FBXW7: variants seen among roughly 807,000 people sequenced by gnomAD.
FBXW7 encodes F-box and WD repeat domain containing 7.
FBXW7 carries 11 observed loss-of-function variants against 86.3 expected under a neutral mutation model. That is an observed-to-expected ratio of 0.13 (90% CI 0.08 to 0.21). The LOEUF (loss-of-function observed/expected upper bound fraction) is 0.21. Ranked by LOEUF, FBXW7 falls within the 10% of genes least tolerant of loss-of-function variation. The pLI is 1.00. For synonymous variants in FBXW7, 313 were observed against 297.9 expected, an observed-to-expected ratio of 1.05 and a Z score of -0.52; for missense variants, 488 against 847.4, an observed-to-expected ratio of 0.58 and a Z score of 5.27.
intron 4 of FBXW7, among the ~76,000 whole-genome samples, chr4:152,366,311 T>G (rs1401916130): frequency 6.6e-6 from 1 of 152,174 alleles, no homozygotes; most frequent in Non-Finnish European, 1.5e-5. Context: ...CTTCACAGTT[T>G]AGGACTTCTG....
rs1226934401 is a variant in FBXW7 at position 152,322,540 on chromosome 4, T to G, written c.*341A>C. 2 of 295,746 alleles carry G rather than the reference T, an allele frequency of 6.8e-6. No individual in the cohort carries two copies. The highest frequency in any genetic ancestry group is 9.2e-5 in the South Asian group (1 of 10,896). 18.3% of individuals were successfully genotyped at this position (295,746 alleles called of 1,614,324 possible). ...GGCTAGCAGAATCTGTAATGATGTT[T>G]CAGCATTAACACTGCCCAATGACCA... On this transcript the variant is annotated 3_prime_UTR_variant, in exon 14 of 14. Transcript: ENST00000281708.
intron 2 of FBXW7, among the ~76,000 whole-genome samples, chr4:152,479,874 C>T (rs1744729533): frequency 6.6e-6 from 1 of 152,254 alleles, no homozygotes; most frequent in Non-Finnish European, 1.5e-5. Context: ...AGCACTCTTA[C>T]ACCTAAAGGT....
At chr4:152,498,102 A>G (rs1336246952) in intron 2 of FBXW7, among the ~76,000 whole-genome samples, 1 of 152,202 alleles carries the variant, frequency 6.6e-6, no homozygotes, top group Non-Finnish European at 1.5e-5. Flanking sequence ...CAAAAGGTTA[A>G]TATCTGCTTG....
At chr4:152,374,225 T>C (rs1450446373) in intron 4 of FBXW7, among the ~76,000 whole-genome samples, 1 of 152,008 alleles carries the variant, frequency 6.6e-6, no homozygotes, top group East Asian at 1.9e-4. Flanking sequence ...AATTTGCTCA[T>C]ACCACCACCC....
At chr4:152,519,784 C>T (rs1748837555) in intron 2 of FBXW7, among the ~76,000 whole-genome samples, 1 of 152,176 alleles carries the variant, frequency 6.6e-6, no homozygotes, top group Non-Finnish European at 1.5e-5. Flanking sequence ...TACAACTTTC[C>T]ATTTTCAATA....
rs77741711 is a variant in FBXW7, at chr4:152,476,849, A to G, written c.-120+58092T>C. Among the ~76,000 whole-genome samples, 255 of 152,300 alleles carry G rather than the reference A, an allele frequency of 1.7e-3. No homozygotes were observed. The East Asian group carries it at 0.043, about 26-fold the overall frequency. On this transcript the variant is annotated intron_variant, in intron 2 of 13. Transcript: ENST00000281708. Reference sequence around the variant, plus strand: ...TGGTCTGCACTATCCTTTTGAGGATACTTTTACAGCAATAGTGTTGGGAGA... The same window carrying G: ...TGGTCTGCACTATCCTTTTGAGGATGCTTTTACAGCAATAGTGTTGGGAGA...
At chr4:152,397,594 C>A (rs1402560020) in intron 4 of FBXW7, among the ~76,000 whole-genome samples, 3 of 149,692 alleles carry the variant, frequency 2.0e-5, no homozygotes, top group African/African-American at 7.4e-5. Flanking sequence ...TTCATAAGAG[C>A]CTGAACAGTC....
At chr4:152,358,481 T>TA (rs993919693) in intron 4 of FBXW7, among the ~76,000 whole-genome samples, 2 of 144,662 alleles carry the variant, frequency 1.4e-5, no homozygotes, top group Non-Finnish European at 3.0e-5. Context: ...TTAGTCATGA[T>TA]AAAAAAGTTT....
chr4:152,496,083 G>A (rs1447359557), intron 2 of FBXW7, among the ~76,000 whole-genome samples: 1 of 152,126 alleles, frequency 6.6e-6, no homozygotes, highest in African/African-American at 2.4e-5. Flanking sequence ...AAGCTGAGGT[G>A]GGAGAATTGC....
At chr4:152,398,931 T>C (rs891245320) in intron 4 of FBXW7, among the ~76,000 whole-genome samples, 2 of 147,982 alleles carry the variant, frequency 1.4e-5, no homozygotes, top group African/African-American at 4.9e-5. Context: ...GTTGGTGAAA[T>C]AATAATTTCA....
At chr4:152,389,790 T>C (rs1462572201) in intron 4 of FBXW7, among the ~76,000 whole-genome samples, 1 of 152,068 alleles carries the variant, frequency 6.6e-6, no homozygotes, top group Non-Finnish European at 1.5e-5. Flanking sequence ...CTAATAATAT[T>C]ACATATATGG....
At chr4:152,434,692 C>A (rs1340996755) in intron 2 of FBXW7, among the ~76,000 whole-genome samples, 1 of 152,076 alleles carries the variant, frequency 6.6e-6, no homozygotes, top group Non-Finnish European at 1.5e-5. Context: ...ACTTCCTTAC[C>A]AGCAGGGTAA....
At chr4:152,334,055 A>T (rs1236367786) in intron 7 of FBXW7, among the ~76,000 whole-genome samples, 1 of 151,356 alleles carries the variant, frequency 6.6e-6, no homozygotes, top group Non-Finnish European at 1.5e-5. Flanking sequence ...TTCTGTCTCA[A>T]CAACAACAAC....
rs138505775 is a variant in FBXW7 at position 152,398,739 on chromosome 4, A to G, written c.501+12564T>C. On this transcript the variant is annotated intron_variant, in intron 4 of 13. Coordinates refer to ENST00000281708, the MANE Select transcript of FBXW7 (RefSeq NM_001349798.2). ...TTTTTATCATATTAATTTATAGAAA[A>G]TAGAGATTAATTAAATACACAAAAT... Among the ~76,000 whole-genome samples, 134 of 152,140 alleles carry G rather than the reference A, an allele frequency of 8.8e-4. No individual in the cohort carries two copies. The East Asian group carries it at 0.021, about 24-fold the overall frequency.
At chr4:152,355,046 T>G (rs1732235826) in intron 4 of FBXW7, among the ~76,000 whole-genome samples, 1 of 152,126 alleles carries the variant, frequency 6.6e-6, no homozygotes, top group Non-Finnish European at 1.5e-5. Flanking sequence ...GTGAAGAATC[T>G]GTCAAGCAAA....
rs930665110 is a variant in FBXW7 at position 152,353,206 on chromosome 4, ACCGTAGT to A, written c.502-3089_502-3083del. ...AGCATGCTATTTTCACTGTCATCCT[ACCGTAGT>A]CCTGGCACAGACTAATCAGATTTTT... On this transcript the variant is annotated intron_variant, in intron 4 of 13. Transcript: ENST00000281708. Among the ~76,000 whole-genome samples, 17 of 152,156 alleles carry A rather than the reference ACCGTAGT, an allele frequency of 1.1e-4. 1 individual carries two copies. The East Asian group carries it at 1.2e-3, about 10-fold the overall frequency.
chr4:152,395,011 CCT>C (rs1394250473), intron 4 of FBXW7, among the ~76,000 whole-genome samples: 1 of 151,964 alleles, frequency 6.6e-6, no homozygotes, highest in Non-Finnish European at 1.5e-5. Context: ...GTGGGAAATT[CCT>C]TTTATGTAAT....
At chr4:152,327,223 C>T (rs181743642) in intron 11 of FBXW7, among the ~76,000 whole-genome samples, 40 of 152,106 alleles carry the variant, frequency 2.6e-4, no homozygotes, top group African/African-American at 8.9e-4. Flanking sequence ...TCTCTTGATA[C>T]TCATCCCCCA....
chr4:152,466,803 G>A (rs1028256770), intron 2 of FBXW7, among the ~76,000 whole-genome samples: 2 of 151,236 alleles, frequency 1.3e-5, no homozygotes, highest in Admixed American at 1.3e-4. Flanking sequence ...TTAGCCAGGC[G>A]CGGTGGCGGG....
Sources: gnomAD v4.1 joint callset for allele counts (sites outside exome capture counted in the v4.1 genomes callset) on GRCh38, gnomAD v4.1.1 for gene constraint, MANE v1.5 for transcripts, NCBI Gene and HGNC (gene_info 2026-07-23, HGNC 2026-07-21) for gene names.